HECA: variants seen among roughly 807,000 people sequenced by gnomAD.
The protein encoded by HECA is headcase protein homolog.
A neutral mutation model predicts 37.6 loss-of-function variants in HECA; 13 were observed. The observed-to-expected ratio is 0.35, with a 90% CI of 0.23 to 0.55. The LOEUF (loss-of-function observed/expected upper bound fraction) is 0.55. Ranked by LOEUF, HECA falls within the 20% of genes least tolerant of loss-of-function variation. The pLI is 0.90. For synonymous variants in HECA, 307 were observed against 291.5 expected (o/e 1.05, Z -0.54); for missense variants, 527 against 701.9 (o/e 0.75, Z 2.82).
At chr6:139,159,793 T>C (rs1468433781) in intron 1 of HECA, among the ~76,000 whole-genome samples, 1 of 152,238 alleles carries the variant, frequency 6.6e-6, no homozygotes. Flanking sequence ...AGATTTTGCC[T>C]GGAAAGCCTC....
intron 1 of HECA, among the ~76,000 whole-genome samples, chr6:139,159,978 T>C (rs1774774216): frequency 6.6e-6 from 1 of 152,184 alleles, no homozygotes; most frequent in Admixed American, 6.5e-5. Flanking sequence ...TTTGGGCTCA[T>C]TGGGCATTCA....
intron 2 of HECA, among the ~76,000 whole-genome samples, chr6:139,172,003 T>C (rs1039794194): frequency 1.3e-5 from 2 of 152,096 alleles, no homozygotes; most frequent in Non-Finnish European, 2.9e-5. Flanking sequence ...CTAATTTTTT[T>C]ATATTTTAGT....
At chr6:139,156,789 T>G (rs948574997) in intron 1 of HECA, among the ~76,000 whole-genome samples, 1 of 152,244 alleles carries the variant, frequency 6.6e-6, no homozygotes, top group Non-Finnish European at 1.5e-5. Flanking sequence ...TTCTGAATTA[T>G]GTAAGTTCTT....
chr6:139,152,440 G>GTGTGTGTA (rs1387660703), intron 1 of HECA, among the ~76,000 whole-genome samples: 2 of 151,902 alleles, frequency 1.3e-5, no homozygotes, highest in African/African-American at 2.4e-5. Context: ...GTGTGTGTGT[G>GTGTGTGTA]TGTGTAGCTT....
Position 139,149,404 on chromosome 6 carries a change from A to G in HECA, c.271+13737A>G, listed in dbSNP as rs544591939. ...TGTGACGAGCTCTTTTTCAAACCAT[A>G]GAGCTGTTTGGAAAAGCAAATCGTT... On this transcript the variant is annotated intron_variant, in intron 1 of 3. Transcript: ENST00000367658. Among the ~76,000 whole-genome samples the G allele has an allele frequency of 2.0e-5, 3 of 152,314 alleles. No individual in the cohort carries two copies. The East Asian group carries it at 5.8e-4, about 29-fold the overall frequency.
chr6:139,179,384 T>G lies in HECA; in HGVS notation c.*2279T>G, dbSNP rs1199248684. On this transcript the variant is annotated 3_prime_UTR_variant, in exon 4 of 4. Coordinates refer to ENST00000367658, the MANE Select transcript of HECA (RefSeq NM_016217.3). ...ACATTGCATTCAGCAAGCTCCTGAA[T>G]TTAGAACTGCCGTCAGTGTAGTGTA... is the stretch of plus-strand genomic sequence containing the variant. 6.6e-6 allele frequency: 1 copy of G among 152,216 alleles called. No individual in the cohort carries two copies. The highest frequency in any genetic ancestry group is 1.5e-5 in the Non-Finnish European group (1 of 68,044). The allele number at this position is 152,216 out of a possible 1,614,324, so 9.4% of individuals were successfully genotyped here. A position where few individuals can be genotyped will look rare whatever the true frequency, so the allele number is the denominator to read the frequency against.
Position 139,166,464 on chromosome 6 carries a change from C to T in HECA, c.452C>T (p.Ala151Val). The T allele has an allele frequency of 6.2e-7, 1 of 1,614,170 alleles. No individual in the cohort carries two copies. Among genetic ancestry groups the T allele is most frequent in the Non-Finnish European group, 8.5e-7 (1 of 1,180,018 alleles). The change falls in exon 2 of 4, where the codon GCG becomes GTG. Residue 151 changes from alanine to valine, a missense_variant. By Grantham distance (64) the Ala-to-Val change is moderately conservative (BLOSUM62 0). Transcript: ENST00000367658. ...GTCCAGTTCAACTGCATCGGCCGCG[C>T]GCGCAGCTGGAACGAGAAGCAATGC... ...ILVQFNCIGRARSWNEKQCRQ... is the reference protein window; with the variant it reads ...ILVQFNCIGRVRSWNEKQCRQ...
At chr6:139,174,753 T>C (rs1775028679) in intron 3 of HECA, 1 of 564,212 alleles carries the variant, frequency 1.8e-6, no homozygotes, top group Admixed American at 4.2e-5. Flanking sequence ...GCATTTCCAG[T>C]ATATTAGGTC....
chr6:139,163,195 G>T (rs1253592682), intron 1 of HECA, among the ~76,000 whole-genome samples: 1 of 152,182 alleles, frequency 6.6e-6, no homozygotes, highest in African/African-American at 2.4e-5. Context: ...ATTGAGTGGG[G>T]CTGGCCTCTA....
At position 139,145,435 on chromosome 6, in the gene HECA, GAA is replaced by G. The variant is rs545634166; in HGVS notation, c.271+9771_271+9772del. Among the ~76,000 whole-genome samples, 314 of 152,312 alleles carry G rather than the reference GAA, an allele frequency of 2.1e-3. 1 individual carries two copies. Among genetic ancestry groups the G allele is most frequent in the African/African-American group, 7.3e-3 (302 of 41,568 alleles). On this transcript the variant is annotated intron_variant, in intron 1 of 3. Coordinates refer to ENST00000367658, the MANE Select transcript of HECA (RefSeq NM_016217.3). ...GAAAGATACTAAGAGGAAGCTTAAA[GAA>G]AAGTGAGGAAAAAGGAAGATGAAGT...
At chr6:139,171,283 C>G (rs911005119) in intron 2 of HECA, among the ~76,000 whole-genome samples, 1 of 152,092 alleles carries the variant, frequency 6.6e-6, no homozygotes, top group Non-Finnish European at 1.5e-5. Flanking sequence ...TTGAGAGTAC[C>G]TTTCAGGGAG....
At chr6:139,140,144 A>T (rs1173347743) in intron 1 of HECA, among the ~76,000 whole-genome samples, 1 of 152,200 alleles carries the variant, frequency 6.6e-6, no homozygotes. Flanking sequence ...GGTTTGTAGT[A>T]TATTTTAAAT....
chr6:139,146,274 A>G (rs1282074409), intron 1 of HECA, among the ~76,000 whole-genome samples: 2 of 152,264 alleles, frequency 1.3e-5, no homozygotes, highest in Admixed American at 6.5e-5. Context: ...GCTACTTGCC[A>G]CATTGAAAAT....
At chr6:139,156,384 T>C (rs1774712415) in intron 1 of HECA, among the ~76,000 whole-genome samples, 1 of 152,052 alleles carries the variant, frequency 6.6e-6, no homozygotes, top group Non-Finnish European at 1.5e-5. Flanking sequence ...TGTATTTTCT[T>C]TTTTTGATAG....
Position 139,177,760 on chromosome 6 carries a change from C to T in HECA, c.*655C>T, listed in dbSNP as rs3777669. The stretch of plus-strand genomic sequence containing the variant: ...TTGCAAATATGTTTAGGTAAACTGA[C>T]CTATAACAGAATATGTGAAATGAAT... On this transcript the variant is annotated 3_prime_UTR_variant, in exon 4 of 4. Coordinates refer to ENST00000367658, the MANE Select transcript of HECA (RefSeq NM_016217.3). This position sits in a 1 kb window ranked among gnomAD's most constrained non-coding sequence, Gnocchi z 4.9. 5,598 of 152,092 alleles carry T rather than the reference C, an allele frequency of 0.037. 350 individuals are homozygous for T. Among genetic ancestry groups the T allele is most frequent in the Admixed American group, 0.15 (2,241 of 15,272 alleles). The allele number at this position is 152,092 out of a possible 1,614,324, so 9.4% of individuals were successfully genotyped here. A position where few individuals can be genotyped will look rare whatever the true frequency, so the allele number is the denominator to read the frequency against.
intron 1 of HECA, among the ~76,000 whole-genome samples, chr6:139,142,894 G>A (rs776810716): frequency 2.2e-4 from 33 of 152,198 alleles, no homozygotes; most frequent in Non-Finnish European, 2.2e-4. Context: ...GTTGCAGTGA[G>A]CTGAGATCGC....
At chr6:139,163,352 C>CTTTT (rs60943037) in intron 1 of HECA, among the ~76,000 whole-genome samples, 23 of 142,456 alleles carry the variant, frequency 1.6e-4, no homozygotes, top group East Asian at 7.3e-4. Flanking sequence ...GTTCTCCATT[C>CTTTT]TTTTTTTTTT....
intron 1 of HECA, among the ~76,000 whole-genome samples, chr6:139,158,062 T>A (rs1774741520): frequency 6.6e-6 from 1 of 152,176 alleles, no homozygotes; most frequent in Non-Finnish European, 1.5e-5. Context: ...TTGCTTATAG[T>A]TAAACAGTGC....
intron 1 of HECA, chr6:139,159,099 T>G (rs918626496): frequency 6.6e-6 from 1 of 151,818 alleles, no homozygotes; most frequent in African/African-American, 2.4e-5. Context: ...AAAAAAAAAA[T>G]TATTATTTCT....
Sources: allele counts gnomAD v4.1 joint callset (sites outside exome capture counted in the v4.1 genomes callset), GRCh38; gene constraint gnomAD v4.1.1; non-coding constraint Gnocchi (gnomAD v3.1); transcripts MANE v1.5; gene names NCBI Gene and HGNC (gene_info 2026-07-23, HGNC 2026-07-21).